TECRL: variants seen among roughly 807,000 people sequenced by gnomAD.
TECRL encodes the protein trans-2,3-enoyl-CoA reductase-like.
In TECRL, 63 loss-of-function variants were observed where a neutral mutation model predicts 52.8. That is an observed-to-expected ratio of 1.19 (90% CI 0.97 to 1.47). The LOEUF (loss-of-function observed/expected upper bound fraction) is 1.47. Among genes scored for constraint, TECRL ranks in the 40% most tolerant of loss-of-function variants. The probability of loss-of-function intolerance (pLI) is 0.00; values close to 1 mark genes in which losing one functional copy is unlikely to be tolerated. For synonymous variants in TECRL, 164 were observed against 141.9 expected (o/e 1.16, Z -1.10); for missense variants, 482 against 429.6 (o/e 1.12, Z -1.08).
At position 64,280,159 on chromosome 4, in the gene TECRL, C is replaced by A. The variant is rs781650913; in HGVS notation, c.1005G>T (p.Leu335Phe). The A allele has an allele frequency of 6.3e-7, 1 of 1,599,874 alleles. No individual in the cohort carries two copies. The highest frequency in any genetic ancestry group is 8.5e-7 in the Non-Finnish European group (1 of 1,173,614). Reference sequence around the variant, plus strand: ...AAATCTTATGTTTCTTTTGTGCCCACAAAGACATCTGGATACTCATCAGAA... The same window carrying A: ...AAATCTTATGTTTCTTTTGTGCCCAAAAAGACATCTGGATACTCATCAGAA... ...FTLLMSIQMS[L>F]WAQKKHKIYL... The change falls in exon 12 of 12, where the codon TTG becomes TTT. Residue 335 changes from leucine (L) to phenylalanine (F), a missense_variant. Leu to Phe is a conservative substitution (Grantham distance 22). Transcript: ENST00000381210.
intron 2 of TECRL, among the ~76,000 whole-genome samples, chr4:64,362,739 A>G (rs1432732008): frequency 6.6e-6 from 1 of 152,278 alleles, no homozygotes; most frequent in Non-Finnish European, 1.5e-5. Flanking sequence ...TGCCACCACC[A>G]AAAATACACT....
At chr4:64,342,456 T>A (rs1247182542) in intron 2 of TECRL, among the ~76,000 whole-genome samples, 1 of 152,048 alleles carries the variant, frequency 6.6e-6, no homozygotes, top group Non-Finnish European at 1.5e-5. Context: ...TGTGTATGTG[T>A]GTGTGTTTAT....
chr4:64,360,347 CT>C (rs1429383128), intron 2 of TECRL, among the ~76,000 whole-genome samples: 1 of 152,060 alleles, frequency 6.6e-6, no homozygotes, highest in Non-Finnish European at 1.5e-5. Flanking sequence ...TTCAGAATTA[CT>C]TTTTCTAAGA....
intron 2 of TECRL, among the ~76,000 whole-genome samples, chr4:64,348,309 T>C (rs1168839660): frequency 1.3e-5 from 2 of 152,096 alleles, no homozygotes; most frequent in Admixed American, 6.5e-5. Context: ...AACCATCAGA[T>C]CTTGCGAGAA....
intron 2 of TECRL, among the ~76,000 whole-genome samples, chr4:64,335,810 TA>T (rs1719034439): frequency 6.6e-6 from 1 of 152,124 alleles, no homozygotes; most frequent in African/African-American, 2.4e-5. Flanking sequence ...GCTTCAAAAA[TA>T]TTTGTTTTCT....
rs752240926 is a variant in TECRL at position 64,362,428 on chromosome 4, AAAAT to A, written c.286+12740_286+12743del. 2.8e-4 allele frequency among the ~76,000 whole-genome samples: 42 copies of A among 152,118 alleles called. No homozygotes were observed. The East Asian group carries it at 7.2e-3, about 26-fold the overall frequency. On this transcript the variant is annotated intron_variant, in intron 2 of 11. Transcript: ENST00000381210. ...ATTCTTCAAAGTCAAGCAAAAGAAA[AAAAT>A]AAATAAATAAAGGCAGTTACAGGAA...
At chr4:64,298,434 A>G (rs1162772723) in intron 8 of TECRL, among the ~76,000 whole-genome samples, 1 of 151,268 alleles carries the variant, frequency 6.6e-6, no homozygotes, top group Non-Finnish European at 1.5e-5. Flanking sequence ...AAAAAAGTAT[A>G]ATTGCAAGCT....
chr4:64,383,996 A>G (rs951053100), intron 1 of TECRL, among the ~76,000 whole-genome samples: 1 of 152,022 alleles, frequency 6.6e-6, no homozygotes, highest in Admixed American at 6.6e-5. Context: ...TGCTGTAATC[A>G]GCATCCGTAT....
intron 9 of TECRL, among the ~76,000 whole-genome samples, chr4:64,287,805 T>A (rs1723156655): frequency 1.3e-5 from 2 of 152,150 alleles, no homozygotes; most frequent in Admixed American, 6.6e-5. Flanking sequence ...TCTATGGAAA[T>A]GATGTTAGAC....
chr4:64,298,164 T>C (rs904497721), intron 8 of TECRL, among the ~76,000 whole-genome samples: 1 of 151,192 alleles, frequency 6.6e-6, no homozygotes, highest in South Asian at 2.1e-4. Context: ...TTAAAGTTTA[T>C]CAAATTGTTA....
At chr4:64,301,964 A>G (rs1724047925) in intron 7 of TECRL, among the ~76,000 whole-genome samples, 1 of 151,322 alleles carries the variant, frequency 6.6e-6, no homozygotes, top group Admixed American at 6.6e-5. Context: ...ATAATATTTT[A>G]TAATCTGTAT....
chr4:64,327,091 A>C (rs1050203353), intron 3 of TECRL, among the ~76,000 whole-genome samples: 1 of 152,108 alleles, frequency 6.6e-6, no homozygotes, highest in African/African-American at 2.4e-5. Context: ...AAAGAAGACC[A>C]TGTAGGCAAG....
Position 64,280,208 on chromosome 4 carries a change from A to C in TECRL, c.965-9T>G, listed in dbSNP as rs1722749245. On this transcript the variant is annotated splice_polypyrimidine_tract_variant and intron_variant, in intron 11 of 11. Transcript: ENST00000381210. ...AAGTGTAAAAATTCCAACTAGAAGA[A>C]AAAAGAAATAATTATTATTTCTTTC... The C allele has an allele frequency of 6.8e-7, 1 of 1,479,910 alleles. No individual in the cohort carries two copies. 91.7% of individuals were successfully genotyped at this position (1,479,910 alleles called of 1,614,324 possible).
At chr4:64,338,319 C>A (rs1293872445) in intron 2 of TECRL, among the ~76,000 whole-genome samples, 1 of 152,044 alleles carries the variant, frequency 6.6e-6, no homozygotes, top group African/African-American at 2.4e-5. Context: ...GACCTAAAAC[C>A]ATAAAATACC....
intron 2 of TECRL, among the ~76,000 whole-genome samples, chr4:64,329,890 A>G (rs1174256172): frequency 6.6e-6 from 1 of 151,876 alleles, no homozygotes; most frequent in African/African-American, 2.4e-5. Flanking sequence ...ATAAATGTTG[A>G]AAGGCCACAG....
chr4:64,341,459 G>A (rs139955852), intron 2 of TECRL, among the ~76,000 whole-genome samples: 5 of 152,052 alleles, frequency 3.3e-5, no homozygotes, highest in African/African-American at 1.2e-4. Context: ...AATTAGCTGG[G>A]GGTGGTGGCA....
intron 2 of TECRL, among the ~76,000 whole-genome samples, chr4:64,363,938 A>G (rs968636371): frequency 6.6e-6 from 1 of 152,130 alleles, no homozygotes; most frequent in African/African-American, 2.4e-5. Context: ...ATATCTACAT[A>G]ATACTGCACC....
chr4:64,346,206 ATC>A (rs1719969490), intron 2 of TECRL, among the ~76,000 whole-genome samples: 1 of 152,238 alleles, frequency 6.6e-6, no homozygotes, highest in Non-Finnish European at 1.5e-5. Context: ...TGAAAGAAGC[ATC>A]TGTGGCTTTT....
intron 2 of TECRL, among the ~76,000 whole-genome samples, chr4:64,337,553 T>C (rs1211512608): frequency 6.6e-6 from 1 of 152,158 alleles, no homozygotes; most frequent in Admixed American, 6.5e-5. Context: ...AAAATCTCCT[T>C]AAGCTGATAA....
Sources: gnomAD v4.1 joint callset for allele counts (sites outside exome capture counted in the v4.1 genomes callset) on GRCh38, gnomAD v4.1.1 for gene constraint, MANE v1.5 for transcripts, NCBI Gene and HGNC (gene_info 2026-07-23, HGNC 2026-07-21) for gene names.